MYOCD: variants seen among roughly 807,000 people sequenced by gnomAD.
MYOCD encodes myocardin.
Under a neutral mutation model 96.1 loss-of-function variants are expected in MYOCD, and 32 were observed. The observed-to-expected ratio is 0.33, with a 90% CI of 0.25 to 0.45. MYOCD has a LOEUF of 0.45. Among genes scored for constraint, MYOCD ranks in the 20% least tolerant of loss-of-function variants. The pLI is 1.00. For missense variants in MYOCD, 1,133 were observed against 1,200.6 expected (o/e 0.94, Z 0.83); for synonymous variants, 469 against 469.0 (o/e 1.00, Z 0.00).
chr17:12,681,922 C>A (rs546531187), intron 1 of MYOCD, among the ~76,000 whole-genome samples: 1 of 152,292 alleles, frequency 6.6e-6, no homozygotes, highest in South Asian at 2.1e-4. Context: ...TAACAGCATG[C>A]AGGGCAACAT....
chr17:12,689,176 A>G (rs1005015311), intron 1 of MYOCD, among the ~76,000 whole-genome samples: 1 of 152,172 alleles, frequency 6.6e-6, no homozygotes, highest in Non-Finnish European at 1.5e-5. Context: ...CTCCGATTTA[A>G]TCAGATGAAA....
chr17:12,729,795 C>T (rs1024870080), intron 5 of MYOCD, among the ~76,000 whole-genome samples: 1 of 152,198 alleles, frequency 6.6e-6, no homozygotes, highest in Middle Eastern at 3.4e-3. Flanking sequence ...TGATCTCGAA[C>T]TCCTGACCTC....
At chr17:12,717,450 A>C (rs2031683134) in intron 4 of MYOCD, 29 bp downstream of exon 4, 1 of 1,563,296 alleles carries the variant, frequency 6.4e-7, no homozygotes, top group Admixed American at 1.7e-5. Flanking sequence ...AGACACCAAG[A>C]GATGCTGCAG....
At chr17:12,708,354 T>C (rs1292413297) in intron 2 of MYOCD, among the ~76,000 whole-genome samples, 1 of 152,228 alleles carries the variant, frequency 6.6e-6, no homozygotes, top group African/African-American at 2.4e-5. Context: ...AACTCAAAGT[T>C]GATGGCCAAG....
chr17:12,749,534 T>TATA (rs2032765408), intron 9 of MYOCD, among the ~76,000 whole-genome samples: 1 of 144,844 alleles, frequency 6.9e-6, no homozygotes, highest in Admixed American at 7.0e-5. Context: ...GTCTCAAAAC[T>TATA]TATATATATA....
At chr17:12,675,650 G>A (rs1909978878) in intron 1 of MYOCD, among the ~76,000 whole-genome samples, 2 of 152,234 alleles carry the variant, frequency 1.3e-5, no homozygotes, top group South Asian at 2.1e-4. Flanking sequence ...CGAGGTCAGG[G>A]GATCGAGACC....
rs921370687 is a variant in MYOCD, at chr17:12,763,815, C to T, written c.*171C>T. 3.7e-5 allele frequency: 21 copies of T among 565,318 alleles called. No individual in the cohort carries two copies. In the African/African-American group the frequency reaches 3.8e-4, roughly 10 times the overall value. The allele number at this position is 565,318 out of a possible 1,614,324, so 35.0% of individuals were successfully genotyped here. ...AAAGTCATTTTTAGAAATACATATA[C>T]TGTAATATTTACCAACAGTCAGTAA... On this transcript the variant is annotated 3_prime_UTR_variant, in exon 14 of 14. Coordinates refer to ENST00000425538, the MANE Select transcript of MYOCD (RefSeq NM_001146312.3).
chr17:12,676,857 C>T (rs762008857), intron 1 of MYOCD, among the ~76,000 whole-genome samples: 5 of 152,094 alleles, frequency 3.3e-5, no homozygotes, highest in Non-Finnish European at 7.4e-5. Flanking sequence ...GATATGAACT[C>T]GAGTGCATGC....
chr17:12,714,228 G>A (rs765404928), intron 2 of MYOCD, among the ~76,000 whole-genome samples: 5 of 151,482 alleles, frequency 3.3e-5, no homozygotes, highest in East Asian at 3.9e-4. Flanking sequence ...TATGGTAGCC[G>A]TCATGACTAC....
chr17:12,711,268 T>C (rs2031473707), intron 2 of MYOCD, among the ~76,000 whole-genome samples: 1 of 152,200 alleles, frequency 6.6e-6, no homozygotes, highest in African/African-American at 2.4e-5. Flanking sequence ...CCCATTTTTA[T>C]AAGTGGGAAA....
chr17:12,726,582 C>T (rs1171854812), intron 5 of MYOCD, among the ~76,000 whole-genome samples: 1 of 152,162 alleles, frequency 6.6e-6, no homozygotes, highest in African/African-American at 2.4e-5. Context: ...GCTGAACAGC[C>T]ATTTCCAGCA....
At chr17:12,734,869 A>G (rs2322594) in intron 5 of MYOCD, among the ~76,000 whole-genome samples, 83,537 of 152,086 alleles carry the variant, frequency 0.55, 23,016 homozygotes, top group East Asian at 0.69. Context: ...TTTTATATTC[A>G]TGGTAAAGCG....
chr17:12,744,001 T>C lies in MYOCD; in HGVS notation c.718-182T>C, dbSNP rs551880293. Among the ~76,000 whole-genome samples the C allele has an allele frequency of 7.2e-5, 11 of 152,350 alleles. No individual in the cohort carries two copies. The South Asian group carries it at 1.9e-3, about 26-fold the overall frequency. ...TCCTTCCAGTGTGATACATTTGCAA[T>C]GGATTTGTTCATTAGCAACGTTAGT... On this transcript the variant is annotated intron_variant, in intron 7 of 13. Coordinates refer to ENST00000425538, the MANE Select transcript of MYOCD (RefSeq NM_001146312.3).
In MYOCD at chr17:12,765,125, A is replaced by G. The variant is rs1038971405; in HGVS notation, c.*1481A>G. 5.9e-5 allele frequency: 9 copies of G among 152,204 alleles called. No homozygotes were observed. The highest frequency in any genetic ancestry group is 2.2e-4 in the African/African-American group (9 of 41,460). The allele number at this position is 152,204 out of a possible 1,614,324, so 9.4% of individuals were successfully genotyped here. A position where few individuals can be genotyped will look rare whatever the true frequency, so the allele number is the denominator to read the frequency against. ...ATGGAAGGAAAAAGACAATGGTCTA[A>G]TGTGCATTCCTCATTACCTCTCGTG... On this transcript the variant is annotated 3_prime_UTR_variant, in exon 14 of 14. Coordinates refer to ENST00000425538, the MANE Select transcript of MYOCD (RefSeq NM_001146312.3).
chr17:12,719,698 CAAAAAA>C (rs57311284), intron 4 of MYOCD, among the ~76,000 whole-genome samples: 1 of 106,316 alleles, frequency 9.4e-6, no homozygotes, highest in Non-Finnish European at 1.8e-5. Context: ...ACTAAAAATA[CAAAAAA>C]AAAAAAAAAA....
At position 12,764,332 on chromosome 17, in the gene MYOCD, G is replaced by C. The variant is rs1348804167; in HGVS notation, c.*688G>C. 6.6e-6 allele frequency: 1 copy of C among 150,786 alleles called. No individual in the cohort carries two copies. The highest frequency in any genetic ancestry group is 2.5e-5 in the African/African-American group (1 of 40,780). 9.3% of individuals were successfully genotyped at this position (150,786 alleles called of 1,614,324 possible). A position where few individuals can be genotyped will look rare whatever the true frequency, so the allele number is the denominator to read the frequency against. ...AACTGAGTCCACAGAACTCCACTCG[G>C]AACTTTCTTCTTTTTTAACTAGTGG... On this transcript the variant is annotated 3_prime_UTR_variant, in exon 14 of 14. Transcript: ENST00000425538.
chr17:12,718,798 C>A (rs905842960), intron 4 of MYOCD, among the ~76,000 whole-genome samples: 3 of 152,194 alleles, frequency 2.0e-5, no homozygotes, highest in African/African-American at 7.2e-5. Context: ...GCAATGGTGT[C>A]TACAAGCCTA....
intron 9 of MYOCD, among the ~76,000 whole-genome samples, chr17:12,747,825 G>C (rs753618611): frequency 2.0e-5 from 3 of 151,734 alleles, no homozygotes; most frequent in Non-Finnish European, 4.4e-5. Context: ...AAAAGTTCAT[G>C]GTTATATATC....
In MYOCD at chr17:12,767,385, A is replaced by G. The variant is rs1017810581; in HGVS notation, c.*3741A>G. 3 of 152,256 alleles carry G rather than the reference A, an allele frequency of 2.0e-5. No individual in the cohort carries two copies. The highest frequency in any genetic ancestry group is 4.4e-5 in the Non-Finnish European group (3 of 68,050). 9.4% of individuals were successfully genotyped at this position (152,256 alleles called of 1,614,324 possible). ...TATTTTAAAGTCAATCAGCTCTTTT[A>G]GAAACAGATTCTGGTCTGGCTGAAA... On this transcript the variant is annotated 3_prime_UTR_variant, in exon 14 of 14. Coordinates refer to ENST00000425538, the MANE Select transcript of MYOCD (RefSeq NM_001146312.3).
Sources: allele counts gnomAD v4.1 joint callset (sites outside exome capture counted in the v4.1 genomes callset), GRCh38; gene constraint gnomAD v4.1.1; transcripts MANE v1.5; gene names NCBI Gene and HGNC (gene_info 2026-07-23, HGNC 2026-07-21).